The following MEIOC variants were observed in gnomAD, a reference collection of about 807,000 sequenced individuals.
MEIOC encodes meiosis-specific coiled-coil domain-containing protein MEIOC.
MEIOC carries 9 observed loss-of-function variants against 85.3 expected under a neutral mutation model. That is an observed-to-expected ratio of 0.11 (90% CI 0.06 to 0.18). MEIOC has a LOEUF of 0.18. MEIOC is among the 10% of genes least tolerant of loss of function. The probability of loss-of-function intolerance (pLI) is 1.00; values close to 1 mark genes in which losing one functional copy is unlikely to be tolerated. For synonymous variants in MEIOC, 365 were observed against 393.7 expected, an observed-to-expected ratio of 0.93 and a Z score of 0.86; for missense variants, 898 against 1,129.4, an observed-to-expected ratio of 0.80 and a Z score of 2.94.
At chr17:44,659,791 A>G (rs905897708) in intron 2 of MEIOC, among the ~76,000 whole-genome samples, 16 of 152,338 alleles carry the variant, frequency 1.1e-4, no homozygotes, top group Admixed American at 6.5e-4. Flanking sequence ...GCCTATGATG[A>G]TAACTTTAGA....
chr17:44,676,994 C>T (rs1972085030), downstream of MEIOC: 1 of 972,648 alleles, frequency 1.0e-6, no homozygotes, highest in African/African-American at 1.8e-5. Flanking sequence ...ATAGCAGAGT[C>T]CCAGAAGAAA....
At position 44,675,176 on chromosome 17, in the gene MEIOC, A is replaced by G. The variant is rs1568137103; in HGVS notation, c.*980A>G. ...AGTTTGCTTCTAAGTTCTAAAATGT[A>G]TTTTTTAAAGGTTAATCTCTAACTA... On this transcript the variant is annotated 3_prime_UTR_variant, in exon 8 of 8. Coordinates refer to ENST00000409122, the MANE Select transcript of MEIOC (RefSeq NM_001145080.3). 2 of 984,440 alleles carry G rather than the reference A, an allele frequency of 2.0e-6. No homozygotes were observed. The highest frequency in any genetic ancestry group is 2.4e-6 in the Non-Finnish European group (2 of 829,638). The allele number at this position is 984,440 out of a possible 1,614,324, so 61.0% of individuals were successfully genotyped here. A position where few individuals can be genotyped will look rare whatever the true frequency, so the allele number is the denominator to read the frequency against.
At position 44,674,337 on chromosome 17, in the gene MEIOC, T is replaced by C. The variant is rs1972047674; in HGVS notation, c.*141T>C. 1 of 1,413,770 alleles carries C rather than the reference T, an allele frequency of 7.1e-7. No individual in the cohort carries two copies. The highest frequency in any genetic ancestry group is 9.2e-7 in the Non-Finnish European group (1 of 1,086,502). 87.6% of individuals were successfully genotyped at this position (1,413,770 alleles called of 1,614,324 possible). On this transcript the variant is annotated 3_prime_UTR_variant, in exon 8 of 8. Transcript: ENST00000409122. ...ACCAGTACCTTAATGAAGTCTAACT[T>C]CTATTTAAAAATCTTCTATTTGAAG...
intron 6 of MEIOC, 38 bp downstream of exon 6, chr17:44,669,555 T>TGTTAA: frequency 1.3e-6 from 2 of 1,549,774 alleles, no homozygotes; most frequent in Non-Finnish European, 1.7e-6. Flanking sequence ...ATGGATTTTT[T>TGTTAA]GTTAAATTTT....
rs17627249 is a variant in MEIOC at position 44,666,154 on chromosome 17, C to G, written c.465-222C>G. On this transcript the variant is annotated intron_variant, in intron 4 of 7. Transcript: ENST00000409122. The stretch of plus-strand genomic sequence containing the variant: ...TTAGTTATTGTCTCTTGGGAAAGTA[C>G]AGCGAAGACATTAAAATGCATATTT... 8.0e-3 allele frequency among the ~76,000 whole-genome samples: 1,215 copies of G among 152,188 alleles called. 7 individuals carry two copies. Among genetic ancestry groups the G allele is most frequent in the Non-Finnish European group, 0.013 (887 of 67,988 alleles).
chr17:44,656,742 A>G, intron 1 of MEIOC, 60 bp downstream of exon 1: 1 of 1,230,864 alleles, frequency 8.1e-7, no homozygotes, highest in South Asian at 1.5e-5. Context: ...GGCGACGAGG[A>G]GGAGAGGCTG....
intron 2 of MEIOC, among the ~76,000 whole-genome samples, chr17:44,657,811 C>A (rs998096872): frequency 1.3e-5 from 2 of 151,828 alleles, no homozygotes; most frequent in Non-Finnish European, 2.9e-5. Context: ...CCTCGGCCTC[C>A]CAAAGTGCTG....
intron 5 of MEIOC, 109 bp downstream of exon 5, chr17:44,668,342 ATTTG>A: frequency 3.8e-6 from 4 of 1,055,892 alleles, no homozygotes; most frequent in Non-Finnish European, 5.4e-6. Context: ...TTTTTGCTTT[ATTTG>A]TTGTTGTTTT....
chr17:44,669,094 G>C (rs377365470), intron 5 of MEIOC, among the ~76,000 whole-genome samples: 1 of 151,802 alleles, frequency 6.6e-6, no homozygotes, highest in African/African-American at 2.4e-5. Flanking sequence ...TCCCAGCTAC[G>C]CGGGAGGCTG....
intron 3 of MEIOC, among the ~76,000 whole-genome samples, chr17:44,664,506 T>C (rs769320740): frequency 1.3e-5 from 2 of 152,158 alleles, no homozygotes; most frequent in South Asian, 2.1e-4. Flanking sequence ...CAAATGCTCA[T>C]TGGAGCATTT....
chr17:44,658,063 G>C (rs547832614), intron 2 of MEIOC, among the ~76,000 whole-genome samples: 1 of 150,172 alleles, frequency 6.7e-6, no homozygotes, highest in Non-Finnish European at 1.5e-5. Context: ...TGTTCCCCAG[G>C]CTGGTCTCGA....
Position 44,669,422 on chromosome 17 carries a change from G to C in MEIOC, c.2362G>C (p.Val788Leu). The C allele has an allele frequency of 6.4e-7, 1 of 1,572,308 alleles. No individual in the cohort carries two copies. Among genetic ancestry groups the C allele is most frequent in the South Asian group, 1.2e-5 (1 of 85,396 alleles). ...TGCCAAGAATTATCCTGGAAAAAAA[G>C]TATCCAGTACTAACAACACTCCAGT... is the stretch of plus-strand genomic sequence containing the variant. ...ALAKNYPGKK[V>L]SSTNNTPVPR... The change falls in exon 6 of 8, where the codon GTA becomes CTA. Residue 788 changes from valine (V) to leucine (L), a missense_variant. Val to Leu is a conservative substitution (Grantham distance 32). This residue lies in a region of MEIOC where 164 missense variants were observed against 269.2 expected (regional missense o/e 0.61). Transcript: ENST00000409122.
chr17:44,673,244 C>T (rs763662985), intron 6 of MEIOC, 122 bp from the exon 7 acceptor site: 7 of 668,356 alleles, frequency 1.0e-5, no homozygotes, highest in Non-Finnish European at 1.4e-5. Flanking sequence ...ACACAGTAAG[C>T]ATTCTTTGAT....
chr17:44,668,695 A>C (rs1050799418), intron 5 of MEIOC, among the ~76,000 whole-genome samples: 5 of 152,216 alleles, frequency 3.3e-5, no homozygotes, highest in African/African-American at 1.2e-4. Flanking sequence ...CATTACTGTA[A>C]GGAATTAAGT....
intron 3 of MEIOC, among the ~76,000 whole-genome samples, chr17:44,663,989 T>C (rs920948079): frequency 6.6e-6 from 1 of 152,184 alleles, no homozygotes; most frequent in African/African-American, 2.4e-5. Context: ...ATGAGTGTTA[T>C]GCAAATATAA....
chr17:44,656,525 G>A lies in MEIOC; in HGVS notation c.-89G>A, dbSNP rs1971756356. The A allele has an allele frequency of 9.2e-7, 1 of 1,090,288 alleles. No individual in the cohort carries two copies. Among genetic ancestry groups the A allele is most frequent in the African/African-American group, 1.7e-5 (1 of 60,344 alleles). The allele number at this position is 1,090,288 out of a possible 1,614,324, so 67.5% of individuals were successfully genotyped here. A position where few individuals can be genotyped will look rare whatever the true frequency, so the allele number is the denominator to read the frequency against. On this transcript the variant is annotated 5_prime_UTR_variant, in exon 1 of 8. Transcript: ENST00000409122. ...GGCGGCTGCGGAGACGGCGGGGTGC[G>A]GGCTGAGGGAGCCGGGCCTGGACGC...
rs1487812815 is a variant in MEIOC, at chr17:44,667,170, C to T, written c.1259C>T (p.Ser420Leu). Residue 420 changes from serine (S) to leucine (L), a missense_variant, in exon 5 of 8, where the codon TCA becomes TTA. By Grantham distance (145) the Ser-to-Leu change is moderately radical. This residue lies in a region of MEIOC where 734 missense variants were observed against 860.1 expected (regional missense o/e 0.85). Coordinates refer to ENST00000409122, the MANE Select transcript of MEIOC (RefSeq NM_001145080.3). ...TTCACTGCTGATTTTGGCTTAACAT[C>T]AGAATATGGACTAAAACCTCACACA... ...AVFTADFGLT[S>L]EYGLKPHTAC... is the part of the protein sequence containing the mutation. 1 of 1,613,884 alleles carries T rather than the reference C, an allele frequency of 6.2e-7. No homozygotes were observed. The highest frequency in any genetic ancestry group is 1.7e-5 in the Admixed American group (1 of 60,022).
At chr17:44,669,637 A>G in intron 6 of MEIOC, 120 bp downstream of exon 6, 1 of 974,912 alleles carries the variant, frequency 1.0e-6, no homozygotes, top group Non-Finnish European at 1.6e-6. Flanking sequence ...AGGCGGGCAG[A>G]TCACCTGAAG....
downstream of MEIOC, chr17:44,676,869 G>A (rs1379217902): frequency 6.6e-6 from 5 of 763,030 alleles, no homozygotes; most frequent in African/African-American, 1.9e-5. Flanking sequence ...CATTTTAGAC[G>A]TAAAGGATTT....
Sources: allele counts gnomAD v4.1 joint callset (sites outside exome capture counted in the v4.1 genomes callset), GRCh38; gene constraint gnomAD v4.1.1; regional missense constraint gnomAD v4.1.1; transcripts MANE v1.5; gene names NCBI Gene and HGNC (gene_info 2026-07-23, HGNC 2026-07-21).